NDST3: variants seen among roughly 807,000 people sequenced by gnomAD.
NDST3 encodes the protein bifunctional heparan sulfate N-deacetylase/N-sulfotransferase 3.
In NDST3, 58 loss-of-function variants were observed where a neutral mutation model predicts 96.1. That is an observed-to-expected ratio of 0.60 (90% CI 0.49 to 0.75). The LOEUF is 0.75. Ranked by LOEUF, NDST3 falls within the 30% of genes least tolerant of loss-of-function variation. The pLI, the probability that NDST3 is intolerant of heterozygous loss-of-function variation, is 0.00. For synonymous variants in NDST3, 333 were observed against 359.7 expected (o/e 0.93, Z 0.84); for missense variants, 788 against 1,034.2 (o/e 0.76, Z 3.27).
intron 4 of NDST3, among the ~76,000 whole-genome samples, chr4:118,117,456 T>A (rs1283726306): frequency 6.6e-6 from 1 of 152,222 alleles, no homozygotes; most frequent in Non-Finnish European, 1.5e-5. Context: ...ATTTGTTTAA[T>A]GTGAATTTTA....
chr4:118,133,442 T>C (rs1192321693), intron 4 of NDST3, among the ~76,000 whole-genome samples: 1 of 152,128 alleles, frequency 6.6e-6, no homozygotes, highest in African/African-American at 2.4e-5. Flanking sequence ...TGCCGGGAGA[T>C]AGGGGAAAGG....
intron 6 of NDST3, among the ~76,000 whole-genome samples, chr4:118,197,519 G>A (rs182378667): frequency 7.9e-5 from 12 of 152,122 alleles, no homozygotes; most frequent in East Asian, 3.9e-4. Flanking sequence ...ATTTAAAATC[G>A]TTATATCCTC....
At chr4:118,244,354 C>A (rs1741180757) in intron 12 of NDST3, among the ~76,000 whole-genome samples, 1 of 152,140 alleles carries the variant, frequency 6.6e-6, no homozygotes, top group African/African-American at 2.4e-5. Context: ...CTGAGGATGA[C>A]TAGAGGTACA....
At chr4:118,242,745 G>A (rs1174451850) in intron 12 of NDST3, among the ~76,000 whole-genome samples, 1 of 152,044 alleles carries the variant, frequency 6.6e-6, no homozygotes, top group African/African-American at 2.4e-5. Flanking sequence ...CTGTTTGTTT[G>A]TATGGTTTTT....
chr4:118,144,888 T>C (rs1733830223), intron 6 of NDST3, among the ~76,000 whole-genome samples: 1 of 152,168 alleles, frequency 6.6e-6, no homozygotes. Flanking sequence ...TTCAAGGAGA[T>C]TTATTGTGCT....
chr4:118,202,738 G>T (rs1421392449), intron 6 of NDST3, among the ~76,000 whole-genome samples: 1 of 152,118 alleles, frequency 6.6e-6, no homozygotes, highest in African/African-American at 2.4e-5. Context: ...GATTTTCTAG[G>T]TATAGAATTA....
At chr4:118,132,265 T>C (rs1732695788) in intron 4 of NDST3, among the ~76,000 whole-genome samples, 3 of 152,200 alleles carry the variant, frequency 2.0e-5, no homozygotes, top group Admixed American at 2.0e-4. Flanking sequence ...GCTAAGCTAG[T>C]ACTAAAACCA....
intron 12 of NDST3, among the ~76,000 whole-genome samples, chr4:118,243,273 T>C (rs1741119987): frequency 6.6e-6 from 1 of 152,138 alleles, no homozygotes; most frequent in African/African-American, 2.4e-5. Context: ...TCAACAAACT[T>C]TGCAGGAAAA....
intron 6 of NDST3, among the ~76,000 whole-genome samples, chr4:118,174,993 A>T (rs1739993774): frequency 6.6e-6 from 1 of 152,094 alleles, no homozygotes; most frequent in South Asian, 2.1e-4. Flanking sequence ...AACAGCCAAA[A>T]TCCATGACCA....
At chr4:118,184,632 C>CAT (rs1736822230) in intron 6 of NDST3, among the ~76,000 whole-genome samples, 4 of 151,752 alleles carry the variant, frequency 2.6e-5, no homozygotes, top group African/African-American at 9.7e-5. Flanking sequence ...CACACACACA[C>CAT]ACACACACAC....
At chr4:118,035,694 C>T (rs1015995816) in intron 1 of NDST3, among the ~76,000 whole-genome samples, 3 of 151,770 alleles carry the variant, frequency 2.0e-5, no homozygotes, top group Admixed American at 1.3e-4. Context: ...CTAAGATAAG[C>T]TCTTTTTTTT....
chr4:118,251,134 T>TA (rs1304697373), intron 12 of NDST3, among the ~76,000 whole-genome samples: 33 of 143,076 alleles, frequency 2.3e-4, no homozygotes, highest in Non-Finnish European at 3.4e-4. Context: ...TATTTTATTT[T>TA]TTTTTTTTTT....
chr4:118,128,722 C>G (rs933340005), intron 4 of NDST3, among the ~76,000 whole-genome samples: 1 of 151,864 alleles, frequency 6.6e-6, no homozygotes, highest in Non-Finnish European at 1.5e-5. Context: ...AGAAGTATTC[C>G]CTCCTCCTCT....
chr4:118,183,968 G>C (rs1736766251), intron 6 of NDST3, among the ~76,000 whole-genome samples: 1 of 152,288 alleles, frequency 6.6e-6, no homozygotes, highest in Non-Finnish European at 1.5e-5. Flanking sequence ...CAAATGCAAA[G>C]TCCTACCACT....
At chr4:118,109,586 A>G (rs1730477163) in intron 3 of NDST3, among the ~76,000 whole-genome samples, 1 of 152,192 alleles carries the variant, frequency 6.6e-6, no homozygotes, top group Admixed American at 6.5e-5. Flanking sequence ...CCAAGGTTTG[A>G]AAGGGTCTTG....
At chr4:118,131,491 T>C (rs982816515) in intron 4 of NDST3, among the ~76,000 whole-genome samples, 5 of 152,144 alleles carry the variant, frequency 3.3e-5, no homozygotes, top group African/African-American at 1.2e-4. Flanking sequence ...GAATTCTGAA[T>C]TCCTTATCTC....
chr4:118,162,733 A>G (rs1735257907), intron 6 of NDST3, among the ~76,000 whole-genome samples: 12 of 144,154 alleles, frequency 8.3e-5, no homozygotes, highest in Admixed American at 1.4e-4. Context: ...TGGCAACAAA[A>G]GACAAAATTG....
At chr4:118,244,390 T>C (rs1340384918) in intron 12 of NDST3, among the ~76,000 whole-genome samples, 1 of 152,244 alleles carries the variant, frequency 6.6e-6, no homozygotes, top group African/African-American at 2.4e-5. Context: ...GAAATGCCAT[T>C]TATACCAGTT....
At chr4:118,067,651 A>G (rs996000043) in intron 2 of NDST3, among the ~76,000 whole-genome samples, 2 of 152,132 alleles carry the variant, frequency 1.3e-5, no homozygotes, top group Admixed American at 1.3e-4. Context: ...GCCAGTGGCA[A>G]GAGGCTGTTC....
Sources: gnomAD v4.1 joint callset for allele counts (sites outside exome capture counted in the v4.1 genomes callset) on GRCh38, gnomAD v4.1.1 for gene constraint, MANE v1.5 for transcripts, NCBI Gene and HGNC (gene_info 2026-07-23, HGNC 2026-07-21) for gene names.